Variants in KCNH1 observed in about 807,000 individuals in gnomAD.
The protein encoded by KCNH1 is potassium voltage-gated channel subfamily H member 1.
A neutral mutation model predicts 69.2 loss-of-function variants in KCNH1; 27 were observed. That is an observed-to-expected ratio of 0.39 (90% CI 0.29 to 0.54). KCNH1 has a LOEUF of 0.54. Ranked by LOEUF, KCNH1 falls within the 20% of genes least tolerant of loss-of-function variation. The pLI, the probability that KCNH1 is intolerant of heterozygous loss-of-function variation, is 0.68. For missense variants in KCNH1, 798 were observed against 1,261.6 expected, an observed-to-expected ratio of 0.63 and a Z score of 5.57; for synonymous variants, 456 against 487.7, an observed-to-expected ratio of 0.93 and a Z score of 0.86.
chr1:210,906,770 G>A (rs1335606297), intron 7 of KCNH1, among the ~76,000 whole-genome samples: 1 of 152,160 alleles, frequency 6.6e-6, no homozygotes, highest in Non-Finnish European at 1.5e-5. Context: ...TGAAGTGAGT[G>A]GGAGAAGAGT....
At chr1:210,812,687 A>G (rs575064536) in intron 7 of KCNH1, among the ~76,000 whole-genome samples, 2 of 152,308 alleles carry the variant, frequency 1.3e-5, no homozygotes, top group African/African-American at 4.8e-5. Flanking sequence ...TAACACATAC[A>G]TTATTGGCAC....
chr1:211,026,099 C>T lies in KCNH1; in HGVS notation c.559-6843G>A, dbSNP rs554914614. ...ACGACCTGGTATTGGGTCTGATCACCCCAACAAGAATACAGCAAATAAATG... is the reference window on the plus strand; with the variant it reads ...ACGACCTGGTATTGGGTCTGATCACTCCAACAAGAATACAGCAAATAAATG... On this transcript the variant is annotated intron_variant, in intron 5 of 10. Coordinates refer to ENST00000271751, the MANE Select transcript of KCNH1 (RefSeq NM_172362.3). Among the ~76,000 whole-genome samples the T allele has an allele frequency of 4.6e-5, 7 of 152,228 alleles. No homozygotes were observed. In the East Asian group the frequency reaches 1.2e-3, roughly 25 times the overall value.
chr1:210,964,815 C>A (rs183357116), intron 6 of KCNH1, among the ~76,000 whole-genome samples: 1 of 152,216 alleles, frequency 6.6e-6, no homozygotes, highest in African/African-American at 2.4e-5. Flanking sequence ...AAATTTCAGG[C>A]CAATATCCCT....
chr1:210,917,424 C>T (rs1249851078), intron 7 of KCNH1, among the ~76,000 whole-genome samples: 6 of 151,580 alleles, frequency 4.0e-5, no homozygotes, highest in Admixed American at 2.6e-4. Flanking sequence ...TGAGGTTTTC[C>T]CTGGAGATTA....
chr1:211,047,648 A>T (rs1258896636), intron 5 of KCNH1, among the ~76,000 whole-genome samples: 1 of 152,216 alleles, frequency 6.6e-6, no homozygotes, highest in Admixed American at 6.5e-5. Context: ...TACTATGAAG[A>T]TCAAATCAGA....
At chr1:211,005,415 A>C (rs1689262118) in intron 6 of KCNH1, among the ~76,000 whole-genome samples, 1 of 152,194 alleles carries the variant, frequency 6.6e-6, no homozygotes, top group Non-Finnish European at 1.5e-5. Context: ...GTAATATACA[A>C]ACAAATCAGT....
At chr1:211,059,570 G>A (rs537439172) in intron 5 of KCNH1, among the ~76,000 whole-genome samples, 3 of 151,998 alleles carry the variant, frequency 2.0e-5, no homozygotes, top group South Asian at 2.1e-4. Flanking sequence ...GTGAAACTAC[G>A]TCTCTACTAA....
intron 4 of KCNH1, 41 bp from the exon 5 acceptor site, chr1:211,082,939 T>G: frequency 6.6e-7 from 1 of 1,509,202 alleles, no homozygotes; most frequent in Non-Finnish European, 9.2e-7. Flanking sequence ...GTCAACCACA[T>G]CCCAAAGGTG....
intron 6 of KCNH1, among the ~76,000 whole-genome samples, chr1:210,963,966 G>T (rs975649567): frequency 6.6e-6 from 1 of 152,178 alleles, no homozygotes; most frequent in South Asian, 2.1e-4. Flanking sequence ...TCCTTGAGAA[G>T]AGCAACTCCA....
chr1:210,770,931 C>G (rs79283153), intron 10 of KCNH1, among the ~76,000 whole-genome samples: 4,097 of 152,270 alleles, frequency 0.027, 195 homozygotes, highest in African/African-American at 0.093. Context: ...ATTAACCGGG[C>G]AACCTTGGAA....
chr1:211,025,686 G>C (rs142690322), intron 5 of KCNH1, among the ~76,000 whole-genome samples: 2,430 of 152,050 alleles, frequency 0.016, 43 homozygotes, highest in Non-Finnish European at 0.021. Flanking sequence ...CTACCCTGAC[G>C]CACCATAATC....
At chr1:210,832,928 A>ATATATATATATAT (rs1269090752) in intron 7 of KCNH1, among the ~76,000 whole-genome samples, 5 of 149,092 alleles carry the variant, frequency 3.4e-5, no homozygotes, top group Admixed American at 1.3e-4. Flanking sequence ...ATATACATAT[A>ATATATATATATAT]AATTGAATTT....
At chr1:210,742,242 C>A (rs528225611) in intron 10 of KCNH1, among the ~76,000 whole-genome samples, 1 of 152,324 alleles carries the variant, frequency 6.6e-6, no homozygotes, top group African/African-American at 2.4e-5. Flanking sequence ...ACAAATCTCA[C>A]TTTATTTCTG....
intron 10 of KCNH1, among the ~76,000 whole-genome samples, chr1:210,686,888 AT>A (rs1361349027): frequency 6.6e-6 from 1 of 152,166 alleles, no homozygotes; most frequent in African/African-American, 2.4e-5. Context: ...AAGAGCAATG[AT>A]TTTCCATTTT....
intron 7 of KCNH1, chr1:210,861,415 A>C (rs1685975709): frequency 1.3e-6 from 1 of 777,206 alleles, no homozygotes; most frequent in Non-Finnish European, 2.4e-6. Flanking sequence ...ATACTTGAGC[A>C]AATTCATTAT....
chr1:211,120,486 G>A (rs1418584302), intron 1 of KCNH1, among the ~76,000 whole-genome samples: 1 of 151,952 alleles, frequency 6.6e-6, no homozygotes, highest in East Asian at 1.9e-4. Context: ...CACCATGCCT[G>A]GCCTGATTCA....
In KCNH1 at chr1:210,993,518, C is replaced by T. The variant is rs146872626; in HGVS notation, c.1032+25265G>A. Among the ~76,000 whole-genome samples the T allele has an allele frequency of 1.1e-3, 161 of 152,278 alleles. 1 individual carries two copies. Among genetic ancestry groups the T allele is most frequent in the Non-Finnish European group, 8.8e-4 (60 of 68,022 alleles). ...TGTCAATACTCTCTTCCCTCCTAAC[C>T]AACACCCTGAGATACACTTCAGCTA... On this transcript the variant is annotated intron_variant, in intron 6 of 10. Transcript: ENST00000271751.
intron 7 of KCNH1, among the ~76,000 whole-genome samples, chr1:210,891,510 G>A (rs993485875): frequency 6.6e-6 from 1 of 151,318 alleles, no homozygotes; most frequent in African/African-American, 2.4e-5. Flanking sequence ...TGCACATTGT[G>A]CACACATACC....
intron 6 of KCNH1, among the ~76,000 whole-genome samples, chr1:210,958,340 C>T (rs945829120): frequency 6.6e-6 from 1 of 152,172 alleles, no homozygotes; most frequent in African/African-American, 2.4e-5. Flanking sequence ...TTGCCCTTAA[C>T]ATTTTTTCCT....
Sources: gnomAD v4.1 joint callset for allele counts (sites outside exome capture counted in the v4.1 genomes callset) on GRCh38, gnomAD v4.1.1 for gene constraint, MANE v1.5 for transcripts, NCBI Gene and HGNC (gene_info 2026-07-23, HGNC 2026-07-21) for gene names.